TRIP4: variants seen among roughly 807,000 people sequenced by gnomAD.
The protein encoded by TRIP4 is thyroid hormone receptor interactor 4.
A neutral mutation model predicts 81.8 loss-of-function variants in TRIP4; 54 were observed. The ratio of observed to expected loss-of-function variants is 0.66; its 90% CI spans 0.53 to 0.83. The LOEUF (loss-of-function observed/expected upper bound fraction) is 0.83. Ranked by LOEUF, TRIP4 falls within the 40% of genes least tolerant of loss-of-function variation. TRIP4 has a pLI of 0.00. For missense variants in TRIP4, 662 were observed against 683.6 expected (o/e 0.97, Z 0.35); for synonymous variants, 270 against 242.8 (o/e 1.11, Z -1.04).
chr15:64,389,886 G>A (rs1190901708), intron 1 of TRIP4, among the ~76,000 whole-genome samples: 3 of 150,668 alleles, frequency 2.0e-5, no homozygotes, highest in Non-Finnish European at 4.4e-5. Context: ...ATTCTTACTA[G>A]AGATGGGGTT....
intron 11 of TRIP4, among the ~76,000 whole-genome samples, chr15:64,439,709 A>G (rs2140310193): frequency 6.6e-6 from 1 of 151,336 alleles, no homozygotes; most frequent in Non-Finnish European, 1.5e-5. Context: ...TTTTTAGTAG[A>G]AACGGGGTTT....
In TRIP4 at chr15:64,400,734, A is replaced by G. The variant is rs374201058; in HGVS notation, c.619-9A>G. The stretch of plus-strand genomic sequence containing the variant: ...TTGGATCACATGTCTTACTCTTACT[A>G]TTTTACAGGTGTGTACTCATGAGGA... On this transcript the variant is annotated splice_polypyrimidine_tract_variant and intron_variant, in intron 4 of 12. Coordinates refer to ENST00000261884, the MANE Select transcript of TRIP4 (RefSeq NM_016213.5). The G allele has an allele frequency of 2.5e-5, 41 of 1,611,234 alleles. No homozygotes were observed. Among genetic ancestry groups the G allele is most frequent in the South Asian group, 8.8e-5 (8 of 91,020 alleles).
intron 7 of TRIP4, among the ~76,000 whole-genome samples, chr15:64,413,677 C>G (rs896803421): frequency 2.0e-5 from 3 of 152,124 alleles, no homozygotes; most frequent in Non-Finnish European, 2.9e-5. Context: ...GCAACCTCCT[C>G]CGCAGTTTCA....
intron 3 of TRIP4, among the ~76,000 whole-genome samples, chr15:64,396,266 CTTTTTTTTTTT>C (rs60341744): frequency 6.2e-5 from 4 of 64,700 alleles, no homozygotes; most frequent in African/African-American, 5.7e-5. Context: ...TATCTAGCTG[CTTTTTTTTTTT>C]TTTTTTTTTT....
At chr15:64,440,202 C>G (rs1050434414) in intron 11 of TRIP4, among the ~76,000 whole-genome samples, 2 of 151,798 alleles carry the variant, frequency 1.3e-5, no homozygotes, top group African/African-American at 4.8e-5. Context: ...CACTGCACTC[C>G]GGCCTGGGTC....
At chr15:64,409,359 C>T (rs1184533861) in intron 6 of TRIP4, among the ~76,000 whole-genome samples, 1 of 152,086 alleles carries the variant, frequency 6.6e-6, no homozygotes, top group Non-Finnish European at 1.5e-5. Context: ...CAGGCTGAAG[C>T]CCAGCTTTCA....
intron 7 of TRIP4, among the ~76,000 whole-genome samples, chr15:64,412,206 T>G (rs1046048594): frequency 3.9e-5 from 6 of 152,328 alleles, no homozygotes; most frequent in Non-Finnish European, 7.4e-5. Flanking sequence ...TTATAGAGAT[T>G]CTAGAGTTCT....
At chr15:64,410,700 G>C (rs1160916113) in intron 7 of TRIP4, among the ~76,000 whole-genome samples, 1 of 152,020 alleles carries the variant, frequency 6.6e-6, no homozygotes, top group Non-Finnish European at 1.5e-5. Context: ...TCCTAAGCAA[G>C]ATACAAAATC....
intron 2 of TRIP4, among the ~76,000 whole-genome samples, chr15:64,394,534 G>C (rs1487235931): frequency 6.6e-6 from 1 of 151,548 alleles, no homozygotes; most frequent in Non-Finnish European, 1.5e-5. Context: ...GAACCTGGGA[G>C]GTGGAGCTTG....
At position 64,426,320 on chromosome 15, in the gene TRIP4, G is replaced by C. The variant is rs116182126; in HGVS notation, c.1575+689G>C. ...TGCCAGGACTGTGCCATATTTGGGA[G>C]GAGGTATGTGTATTTATGTATGAAT... On this transcript the variant is annotated intron_variant, in intron 11 of 12. Transcript: ENST00000261884. Among the ~76,000 whole-genome samples, 368 of 152,254 alleles carry C rather than the reference G, an allele frequency of 2.4e-3. 2 individuals carry two copies. The highest frequency in any genetic ancestry group is 8.5e-3 in the African/African-American group (355 of 41,546).
intron 1 of TRIP4, 22 bp downstream of exon 1, chr15:64,387,986 G>C (rs1895758271): frequency 6.5e-7 from 1 of 1,541,900 alleles, no homozygotes; most frequent in African/African-American, 1.4e-5. Flanking sequence ...TCGGGTCCAA[G>C]CGGGGAAGGA....
At chr15:64,420,240 G>A (rs1891981830) in intron 9 of TRIP4, among the ~76,000 whole-genome samples, 1 of 151,480 alleles carries the variant, frequency 6.6e-6, no homozygotes, top group South Asian at 2.1e-4. Flanking sequence ...TCCTGCCTCA[G>A]CCTCCTGAGT....
At chr15:64,395,221 G>A (rs1020120832) in intron 2 of TRIP4, among the ~76,000 whole-genome samples, 177 bp from the exon 3 acceptor site, 1 of 152,012 alleles carries the variant, frequency 6.6e-6, no homozygotes, top group African/African-American at 2.4e-5. Flanking sequence ...CTGCACTCTT[G>A]GAAATGATGA....
Position 64,397,751 on chromosome 15 carries a change from G to T in TRIP4, c.551G>T (p.Cys184Phe). ...LGQKHKLINN[C>F]LICGRIVCEQ... Reference sequence around the variant, plus strand: ...CAGAAGCACAAGCTCATCAATAACTGTCTGATCTGTGGGCGCATTGTCTGT... The same window carrying T: ...CAGAAGCACAAGCTCATCAATAACTTTCTGATCTGTGGGCGCATTGTCTGT... Residue 184 changes from cysteine to phenylalanine, a missense_variant, in exon 4 of 13, where the codon TGT becomes TTT. By Grantham distance (205) the Cys-to-Phe change is radical (BLOSUM62 -2). Transcript: ENST00000261884. 1 of 1,614,204 alleles carries T rather than the reference G, an allele frequency of 6.2e-7. No individual in the cohort carries two copies. Among genetic ancestry groups the T allele is most frequent in the Non-Finnish European group, 8.5e-7 (1 of 1,180,042 alleles).
At chr15:64,431,845 A>T (rs369796875) in intron 11 of TRIP4, among the ~76,000 whole-genome samples, 10 of 22,714 alleles carry the variant, frequency 4.4e-4, no homozygotes, top group Non-Finnish European at 6.8e-4. Flanking sequence ...ATATATATAT[A>T]TATTTTTTTT....
intron 11 of TRIP4, among the ~76,000 whole-genome samples, chr15:64,431,461 T>C (rs948980900): frequency 6.6e-6 from 1 of 152,096 alleles, no homozygotes; most frequent in African/African-American, 2.4e-5. Flanking sequence ...CCCAGCACTT[T>C]GGGAGGCGGA....
In TRIP4 at chr15:64,445,128, C is replaced by CT. The variant is rs779512316; in HGVS notation, c.1678+23dup. ...AAATCTGTAAGTCATGATTTTTTTT[C>CT]TTTAAGACTAGTCAAGTGCAGTAGT... On this transcript the variant is annotated intron_variant, in intron 12 of 12. Coordinates refer to ENST00000261884, the MANE Select transcript of TRIP4 (RefSeq NM_016213.5). 16 of 1,395,952 alleles carry CT rather than the reference C, an allele frequency of 1.1e-5. No homozygotes were observed. The Admixed American group carries it at 1.3e-4, about 11-fold the overall frequency. The allele number at this position is 1,395,952 out of a possible 1,614,324, so 86.5% of individuals were successfully genotyped here.
At chr15:64,437,765 A>G (rs997045474) in intron 11 of TRIP4, among the ~76,000 whole-genome samples, 4 of 152,094 alleles carry the variant, frequency 2.6e-5, no homozygotes, top group African/African-American at 2.4e-5. Flanking sequence ...AAGTGCTGGG[A>G]TTACCGGCCT....
At chr15:64,449,431 C>T (rs1046862102) in intron 12 of TRIP4, among the ~76,000 whole-genome samples, 1 of 151,628 alleles carries the variant, frequency 6.6e-6, no homozygotes, top group East Asian at 1.9e-4. Flanking sequence ...GAACTCTGGG[C>T]TCAAGAGATC....
Sources: gnomAD v4.1 joint callset for allele counts (sites outside exome capture counted in the v4.1 genomes callset) on GRCh38, gnomAD v4.1.1 for gene constraint, MANE v1.5 for transcripts, NCBI Gene and HGNC (gene_info 2026-07-23, HGNC 2026-07-21) for gene names.